SLC4A10: variants seen among roughly 807,000 people sequenced by gnomAD.
The protein encoded by SLC4A10 is sodium-driven chloride bicarbonate exchanger.
Under a neutral mutation model 137.7 loss-of-function variants are expected in SLC4A10, and 42 were observed. The observed-to-expected ratio is 0.30, with a 90% CI of 0.24 to 0.39. SLC4A10 has a LOEUF of 0.39. SLC4A10 is among the 10% of genes least tolerant of loss of function. The pLI is 1.00. For missense variants in SLC4A10, 925 were observed against 1,355.0 expected, an observed-to-expected ratio of 0.68 and a Z score of 4.98; for synonymous variants, 474 against 464.1, an observed-to-expected ratio of 1.02 and a Z score of -0.27.
intron 1 of SLC4A10, among the ~76,000 whole-genome samples, chr2:161,734,886 G>A (rs1176067574): frequency 2.0e-5 from 3 of 151,988 alleles, no homozygotes; most frequent in African/African-American, 7.2e-5. Context: ...GATCATGGGG[G>A]TGGTTTCCCA....
intron 2 of SLC4A10, among the ~76,000 whole-genome samples, chr2:161,800,786 G>T (rs2055295913): frequency 6.6e-6 from 1 of 152,006 alleles, no homozygotes; most frequent in Admixed American, 6.6e-5. Context: ...ATTTAAATCT[G>T]AAGGATGTCA....
At chr2:161,916,868 C>T (rs998610844) in intron 15 of SLC4A10, among the ~76,000 whole-genome samples, 9 of 152,082 alleles carry the variant, frequency 5.9e-5, no homozygotes, top group South Asian at 2.1e-4. Flanking sequence ...TCTCGCCTAC[C>T]GTATATAATT....
chr2:161,904,203 C>T lies in SLC4A10; in HGVS notation c.1617+25C>T, dbSNP rs79444963. 1,555 of 1,561,990 alleles carry T rather than the reference C, an allele frequency of 1.0e-3. 10 individuals are homozygous for T. In the African/African-American group the frequency reaches 0.019, roughly 19 times the overall value. ...AGTATGTATTATGCTTTTCTCTGAA[C>T]TTTGAAACATAATCCATTTTTAAGA... On this transcript the variant is annotated intron_variant, in intron 13 of 26. Transcript: ENST00000446997.
chr2:161,671,315 C>G (rs981560228), intron 1 of SLC4A10, among the ~76,000 whole-genome samples: 1 of 152,046 alleles, frequency 6.6e-6, no homozygotes, highest in African/African-American at 2.4e-5. Context: ...CAGCAGACAC[C>G]AAACCTGCCA....
chr2:161,810,986 G>A (rs150664859), intron 3 of SLC4A10, among the ~76,000 whole-genome samples: 51 of 151,870 alleles, frequency 3.4e-4, no homozygotes, highest in Admixed American at 2.5e-3. Flanking sequence ...CTGTGAATCC[G>A]CCTGGTTCAG....
intron 2 of SLC4A10, among the ~76,000 whole-genome samples, chr2:161,797,192 C>T (rs1181552009): frequency 6.6e-6 from 1 of 152,140 alleles, no homozygotes; most frequent in Non-Finnish European, 1.5e-5. Flanking sequence ...TCTCATCTTG[C>T]CTTTTCTTCC....
At chr2:161,774,370 A>G (rs1479140455) in intron 2 of SLC4A10, among the ~76,000 whole-genome samples, 1 of 151,944 alleles carries the variant, frequency 6.6e-6, no homozygotes, top group African/African-American at 2.4e-5. Flanking sequence ...TAGTATAGGT[A>G]CATCCCATGC....
chr2:161,978,561 A>G (rs1699770579), intron 26 of SLC4A10, among the ~76,000 whole-genome samples: 1 of 152,118 alleles, frequency 6.6e-6, no homozygotes, highest in Non-Finnish European at 1.5e-5. Context: ...CTTAGAGAAT[A>G]TATCTCTTAT....
At chr2:161,655,449 G>A (rs761383872) in intron 1 of SLC4A10, among the ~76,000 whole-genome samples, 6 of 152,040 alleles carry the variant, frequency 3.9e-5, no homozygotes, top group African/African-American at 9.7e-5. Flanking sequence ...GATCTTTGAC[G>A]AAAAGCTTTC....
chr2:161,666,841 G>T (rs927634144), intron 1 of SLC4A10, among the ~76,000 whole-genome samples: 3 of 43,580 alleles, frequency 6.9e-5, no homozygotes, highest in African/African-American at 1.5e-4. Context: ...TCATGTTAAT[G>T]ATTTTTAAAA....
chr2:161,808,666 T>A (rs2056248081), intron 3 of SLC4A10, among the ~76,000 whole-genome samples: 1 of 152,128 alleles, frequency 6.6e-6, no homozygotes, highest in African/African-American at 2.4e-5. Flanking sequence ...GAACATGCAG[T>A]ATTTGGTTTT....
chr2:161,679,471 A>T (rs544374868), intron 1 of SLC4A10, among the ~76,000 whole-genome samples: 94 of 152,202 alleles, frequency 6.2e-4, no homozygotes, highest in Non-Finnish European at 1.1e-3. Context: ...TAAAAACTGT[A>T]CTTTAAATTA....
At chr2:161,648,465 A>G (rs1010843575) in intron 1 of SLC4A10, among the ~76,000 whole-genome samples, 1 of 152,234 alleles carries the variant, frequency 6.6e-6, no homozygotes, top group Non-Finnish European at 1.5e-5. Context: ...TTATTGGAGT[A>G]TTGTTCATCC....
At chr2:161,883,315 G>T (rs1433608421) in intron 10 of SLC4A10, among the ~76,000 whole-genome samples, 1 of 152,034 alleles carries the variant, frequency 6.6e-6, no homozygotes, top group Non-Finnish European at 1.5e-5. Flanking sequence ...TCTGTAAAAA[G>T]AGCCAATTAG....
chr2:161,801,444 A>C (rs1395603593), intron 2 of SLC4A10, among the ~76,000 whole-genome samples: 1 of 151,952 alleles, frequency 6.6e-6, no homozygotes, highest in Non-Finnish European at 1.5e-5. Flanking sequence ...AACTCCCCAC[A>C]ACTCACCTTA....
intron 3 of SLC4A10, among the ~76,000 whole-genome samples, chr2:161,820,675 A>G (rs2057538808): frequency 6.6e-6 from 1 of 152,226 alleles, no homozygotes; most frequent in South Asian, 2.1e-4. Flanking sequence ...TATGCACGGT[A>G]TGTATGCATT....
intron 15 of SLC4A10, among the ~76,000 whole-genome samples, chr2:161,936,952 TGTAA>T (rs1691687006): frequency 6.6e-6 from 1 of 152,218 alleles, no homozygotes; most frequent in African/African-American, 2.4e-5. Context: ...CCCTTTTTGA[TGTAA>T]GTGTTTATTG....
intron 1 of SLC4A10, among the ~76,000 whole-genome samples, chr2:161,756,390 A>G (rs2049650760): frequency 6.6e-6 from 1 of 152,222 alleles, no homozygotes; most frequent in Admixed American, 6.5e-5. Flanking sequence ...AAGTATGAAT[A>G]TGACAATGTT....
At chr2:161,942,688 A>T in intron 15 of SLC4A10, 104 bp from the exon 16 acceptor site, 1 of 820,940 alleles carries the variant, frequency 1.2e-6, no homozygotes, top group Non-Finnish European at 2.0e-6. Context: ...TCTGTCAAAT[A>T]GAGGAATGCT....
Sources: gnomAD v4.1 joint callset for allele counts (sites outside exome capture counted in the v4.1 genomes callset) on GRCh38, gnomAD v4.1.1 for gene constraint, MANE v1.5 for transcripts, NCBI Gene and HGNC (gene_info 2026-07-23, HGNC 2026-07-21) for gene names.